IL12RB2: variants seen among roughly 807,000 people sequenced by gnomAD.
IL12RB2 encodes interleukin-12 receptor subunit beta-2.
In IL12RB2, 82 loss-of-function variants were observed where a neutral mutation model predicts 89.4. That is an observed-to-expected ratio of 0.92 (90% CI 0.77 to 1.10). The LOEUF (loss-of-function observed/expected upper bound fraction) is 1.10. Among genes scored for constraint, IL12RB2 ranks in the 50% least tolerant of loss-of-function variants. The pLI, the probability that IL12RB2 is intolerant of heterozygous loss-of-function variation, is 0.00. For missense variants in IL12RB2, 963 were observed against 1,031.9 expected (o/e 0.93, Z 0.92); for synonymous variants, 368 against 370.1 (o/e 0.99, Z 0.07).
intron 15 of IL12RB2, among the ~76,000 whole-genome samples, chr1:67,389,740 G>T (rs1665606018): frequency 2.0e-5 from 3 of 152,008 alleles, no homozygotes; most frequent in Admixed American, 6.5e-5. Flanking sequence ...ACATATTAGG[G>T]GTTCAATCAA....
chr1:67,359,009 T>C (rs1661697765), intron 10 of IL12RB2, among the ~76,000 whole-genome samples: 1 of 151,824 alleles, frequency 6.6e-6, no homozygotes, highest in Non-Finnish European at 1.5e-5. Context: ...GGCATAGTGG[T>C]GCACGCCTGT....
intron 9 of IL12RB2, among the ~76,000 whole-genome samples, chr1:67,341,541 A>AG (rs1558317988): frequency 5.2e-5 from 2 of 38,720 alleles, no homozygotes; most frequent in African/African-American, 9.1e-5. Context: ...GAAAGAAAGA[A>AG]AGAAAGAAAG....
intron 16 of IL12RB2, among the ~76,000 whole-genome samples, chr1:67,394,860 G>A (rs1035655818): frequency 6.6e-6 from 1 of 152,196 alleles, no homozygotes; most frequent in African/African-American, 2.4e-5. Context: ...CCTGTTTAGT[G>A]TGATCCTAAA....
At chr1:67,392,026 A>T (rs1417140862) in intron 16 of IL12RB2, among the ~76,000 whole-genome samples, 1 of 152,154 alleles carries the variant, frequency 6.6e-6, no homozygotes, top group Non-Finnish European at 1.5e-5. Flanking sequence ...TTAGTCAGCG[A>T]GTACATGGTG....
intron 14 of IL12RB2, among the ~76,000 whole-genome samples, chr1:67,384,133 C>G (rs759027953): frequency 3.9e-5 from 6 of 152,196 alleles, no homozygotes; most frequent in African/African-American, 1.2e-4. Context: ...CCACATTTCT[C>G]TTCCACACTG....
intron 2 of IL12RB2, among the ~76,000 whole-genome samples, chr1:67,318,790 G>C (rs1047168223): frequency 6.6e-6 from 1 of 152,058 alleles, no homozygotes; most frequent in African/African-American, 2.4e-5. Flanking sequence ...TGGAGCTCAG[G>C]GGGATGTGTG....
chr1:67,362,751 A>G (rs1222729072), intron 10 of IL12RB2, among the ~76,000 whole-genome samples: 1 of 152,180 alleles, frequency 6.6e-6, no homozygotes, highest in African/African-American at 2.4e-5. Context: ...TAAAGATTGA[A>G]GAAATTTGTT....
rs559654679 is a variant in IL12RB2, at chr1:67,338,610, C to G, written c.959-14C>G. ...AATATATGAAAATATGTCTTTTTTT[C>G]TCCTTTGAAACAGAGCCTACTGGGA... On this transcript the variant is annotated splice_polypyrimidine_tract_variant and intron_variant, in intron 8 of 16. Transcript: ENST00000674203. 1 of 1,310,910 alleles carries G rather than the reference C, an allele frequency of 7.6e-7. No homozygotes were observed. The highest frequency in any genetic ancestry group is 1.4e-5 in the African/African-American group (1 of 69,170). 81.2% of individuals were successfully genotyped at this position (1,310,910 alleles called of 1,614,324 possible).
intron 14 of IL12RB2, 38 bp from the exon 15 acceptor site, chr1:67,386,541 G>A (rs1221305452): frequency 7.3e-7 from 1 of 1,375,158 alleles, no homozygotes; most frequent in Admixed American, 1.7e-5. Context: ...GTTCATTGGT[G>A]ATAACTCACT....
chr1:67,328,165 A>T (rs764561025), intron 5 of IL12RB2, 35 bp from the exon 6 acceptor site: 10 of 1,390,082 alleles, frequency 7.2e-6, no homozygotes, highest in Non-Finnish European at 1.0e-5. Context: ...AGCACATAAA[A>T]CATGTTGCTA....
At chr1:67,328,495 A>G (rs1657631938) in intron 6 of IL12RB2, 111 bp downstream of exon 6, 10 of 1,574,588 alleles carry the variant, frequency 6.4e-6, no homozygotes, top group Non-Finnish European at 7.7e-6. Flanking sequence ...AAATTGGCCA[A>G]CAGGCATAAG....
In IL12RB2 at chr1:67,312,029, A is replaced by G. The variant is rs115596588; in HGVS notation, c.-124-1884A>G. On this transcript the variant is annotated intron_variant, in intron 1 of 16. Transcript: ENST00000674203. The stretch of plus-strand genomic sequence containing the variant: ...TCCAGATTGAGGATGTCAAAGAAAA[A>G]ACCTTTCCAATACACTAAGGAAGAA... 9.5e-3 allele frequency among the ~76,000 whole-genome samples: 1,447 copies of G among 152,272 alleles called. 19 individuals are homozygous for G. Among genetic ancestry groups the G allele is most frequent in the Non-Finnish European group, 0.017 (1,175 of 68,022 alleles).
chr1:67,328,526 GA>G (rs1381062122), intron 6 of IL12RB2, 142 bp downstream of exon 6: 3 of 1,450,402 alleles, frequency 2.1e-6, no homozygotes, highest in Non-Finnish European at 1.8e-6. Context: ...AAGTTACTTT[GA>G]TGCAAGTAAA....
At chr1:67,390,186 G>C (rs1665651833) in intron 16 of IL12RB2, 58 bp downstream of exon 16, 1 of 855,626 alleles carries the variant, frequency 1.2e-6, no homozygotes, top group Non-Finnish European at 2.0e-6. Context: ...CCACATCTAA[G>C]TTTTCCATTG....
chr1:67,329,648 T>C lies in IL12RB2; in HGVS notation c.726T>C (p.Cys242=). 1.3e-6 allele frequency: 2 copies of C among 1,569,234 alleles called. No homozygotes were observed. The highest frequency in any genetic ancestry group is 1.8e-6 in the Non-Finnish European group (2 of 1,138,926). Residue 242 remains cysteine, a synonymous_variant, in exon 7 of 17, where the codon TGT becomes TGC. Transcript: ENST00000674203. ...IKFQKASVSR[C]TLYWRDEGLV... ...TTCAAAAGGCTTCTGTGAGCAGATG[T>C]ACCCTTTATTGGAGAGATGAGGGAC...
At chr1:67,316,241 T>C (rs1377056578) in intron 2 of IL12RB2, among the ~76,000 whole-genome samples, 1 of 152,158 alleles carries the variant, frequency 6.6e-6, no homozygotes, top group Non-Finnish European at 1.5e-5. Flanking sequence ...GCCAGGGTGC[T>C]CTGAGGATAC....
At chr1:67,341,627 T>C (rs1293407498) in intron 9 of IL12RB2, among the ~76,000 whole-genome samples, 10 of 152,052 alleles carry the variant, frequency 6.6e-5, no homozygotes, top group Admixed American at 6.5e-4. Context: ...AGGTAAGCAC[T>C]AGAAGCTTCT....
intron 8 of IL12RB2, among the ~76,000 whole-genome samples, chr1:67,334,562 TC>T (rs1365175276): frequency 3.9e-5 from 6 of 152,200 alleles, no homozygotes; most frequent in African/African-American, 1.4e-4. Context: ...CACTGCAAGC[TC>T]CGCCTCCCGG....
intron 3 of IL12RB2, among the ~76,000 whole-genome samples, chr1:67,320,645 A>G (rs115597659): frequency 6.9e-4 from 105 of 152,308 alleles, no homozygotes; most frequent in African/African-American, 2.4e-3. Context: ...ATAAGGGTCC[A>G]ATTATTTTAT....
Sources: allele counts gnomAD v4.1 joint callset (sites outside exome capture counted in the v4.1 genomes callset), GRCh38; gene constraint gnomAD v4.1.1; transcripts MANE v1.5; gene names NCBI Gene and HGNC (gene_info 2026-07-23, HGNC 2026-07-21).